KCNIP4: variants seen among roughly 807,000 people sequenced by gnomAD.
KCNIP4 encodes potassium voltage-gated channel interacting protein 4.
Under a neutral mutation model 34.0 loss-of-function variants are expected in KCNIP4, and 12 were observed. The observed-to-expected ratio is 0.35, with a 90% confidence interval of 0.23 to 0.57. The LOEUF (loss-of-function observed/expected upper bound fraction) is 0.57, where lower values mean the gene tolerates loss of function less well. Among genes scored for constraint, KCNIP4 ranks in the 20% least tolerant of loss-of-function variants. The probability of loss-of-function intolerance (pLI) is 0.83; values close to 1 mark genes in which losing one functional copy is unlikely to be tolerated. For synonymous variants in KCNIP4, 124 were observed against 102.2 expected, an observed-to-expected ratio of 1.21 and a Z score of -1.29; for missense variants, 238 against 311.7, an observed-to-expected ratio of 0.76 and a Z score of 1.78.
intron 4 of KCNIP4, 73 bp from the exon 5 acceptor site, chr4:20,749,805 A>C: frequency 1.0e-6 from 1 of 960,692 alleles, no homozygotes; most frequent in South Asian, 1.6e-5. Flanking sequence ...TAGCAGTCCA[A>C]GCTTCCTTTG....
intron 1 of KCNIP4, among the ~76,000 whole-genome samples, chr4:21,128,752 A>C (rs1750822289): frequency 6.6e-6 from 1 of 152,230 alleles, no homozygotes; most frequent in African/African-American, 2.4e-5. Context: ...ATTATCAGTA[A>C]GGAGCACTAT....
chr4:21,519,729 TGTATATGTATG>T (rs1735304089), intron 1 of KCNIP4, among the ~76,000 whole-genome samples: 2 of 124,358 alleles, frequency 1.6e-5, no homozygotes, highest in African/African-American at 3.4e-5. Context: ...TACACACGTG[TGTATATGTATG>T]ATACACACGT....
chr4:21,946,413 C>G (rs989455304), intron 1 of KCNIP4, among the ~76,000 whole-genome samples: 6 of 152,174 alleles, frequency 3.9e-5, no homozygotes, highest in African/African-American at 1.4e-4. Flanking sequence ...ATATAAATAG[C>G]CTACTTATTG....
chr4:20,786,755 G>T (rs1217967884), intron 3 of KCNIP4, among the ~76,000 whole-genome samples: 1 of 151,890 alleles, frequency 6.6e-6, no homozygotes, highest in Admixed American at 6.6e-5. Context: ...TTAGACTCTG[G>T]GAATATAGTG....
intron 1 of KCNIP4, among the ~76,000 whole-genome samples, chr4:21,430,890 T>G (rs2109664718): frequency 6.6e-6 from 1 of 151,426 alleles, no homozygotes; most frequent in Non-Finnish European, 1.5e-5. Flanking sequence ...AAGATAAAAA[T>G]AGTTACGCAA....
intron 1 of KCNIP4, among the ~76,000 whole-genome samples, chr4:21,425,312 C>A (rs548276439): frequency 6.6e-6 from 1 of 152,254 alleles, no homozygotes; most frequent in Admixed American, 6.5e-5. Flanking sequence ...CTCAATTAAG[C>A]ACTTTTCATT....
intron 1 of KCNIP4, among the ~76,000 whole-genome samples, chr4:21,512,525 T>G (rs1169925170): frequency 6.6e-6 from 1 of 152,142 alleles, no homozygotes; most frequent in Non-Finnish European, 1.5e-5. Flanking sequence ...TATGTTTTAT[T>G]TTGTACTTCT....
At chr4:21,369,129 T>C (rs1720083437) in intron 1 of KCNIP4, among the ~76,000 whole-genome samples, 1 of 147,132 alleles carries the variant, frequency 6.8e-6, no homozygotes, top group African/African-American at 2.7e-5. Flanking sequence ...GTAACCTGAT[T>C]GAGTCTCCTA....
At chr4:21,929,975 T>C (rs1230541975) in intron 1 of KCNIP4, among the ~76,000 whole-genome samples, 1 of 152,122 alleles carries the variant, frequency 6.6e-6, no homozygotes, top group Non-Finnish European at 1.5e-5. Flanking sequence ...AGTCTGTTTC[T>C]CTAGTAGTAC....
chr4:21,922,634 C>T (rs1299983927), intron 1 of KCNIP4, among the ~76,000 whole-genome samples: 3 of 151,966 alleles, frequency 2.0e-5, no homozygotes, highest in Non-Finnish European at 4.4e-5. Context: ...TCTAGTGGTA[C>T]AGAATGGCAT....
intron 1 of KCNIP4, among the ~76,000 whole-genome samples, chr4:21,308,506 C>T (rs969196601): frequency 5.9e-5 from 9 of 152,134 alleles, no homozygotes; most frequent in African/African-American, 2.2e-4. Flanking sequence ...GCATCTGAAG[C>T]CAGTGGGGCT....
intron 1 of KCNIP4, among the ~76,000 whole-genome samples, chr4:21,556,920 C>CAAAAAAAAAACAAAAACAA (rs1281543089): frequency 2.8e-5 from 1 of 35,664 alleles, no homozygotes; most frequent in African/African-American, 1.0e-4. Context: ...GACTCCATCT[C>CAAAAAAAAAACAAAAACAA]AGAAAAAAAA....
chr4:21,041,229 TTC>T (rs1491427855), intron 1 of KCNIP4, among the ~76,000 whole-genome samples: 1 of 115,402 alleles, frequency 8.7e-6, no homozygotes. Flanking sequence ...TGATATATAT[TTC>T]ACACACACAC....
At chr4:21,113,265 T>G (rs746951977) in intron 1 of KCNIP4, among the ~76,000 whole-genome samples, 12 of 151,982 alleles carry the variant, frequency 7.9e-5, no homozygotes, top group Non-Finnish European at 1.3e-4. Context: ...AAAGAAAATC[T>G]CATCAAATTG....
chr4:21,915,396 C>G (rs1397500662), intron 1 of KCNIP4, among the ~76,000 whole-genome samples: 2 of 152,158 alleles, frequency 1.3e-5, no homozygotes, highest in African/African-American at 4.8e-5. Context: ...CCTTTGTCTA[C>G]AAAACTCATC....
At chr4:21,752,972 GT>G (rs1320720300) in intron 1 of KCNIP4, among the ~76,000 whole-genome samples, 1 of 152,192 alleles carries the variant, frequency 6.6e-6, no homozygotes, top group African/African-American at 2.4e-5. Flanking sequence ...ACCATAAAAT[GT>G]GCTGCTGCAA....
intron 1 of KCNIP4, among the ~76,000 whole-genome samples, chr4:21,912,101 T>C (rs1186797414): frequency 1.3e-5 from 2 of 151,996 alleles, no homozygotes; most frequent in African/African-American, 4.8e-5. Context: ...AGAGCATCCC[T>C]GGCTTTTCAA....
intron 1 of KCNIP4, among the ~76,000 whole-genome samples, chr4:21,540,524 T>A (rs1737592252): frequency 6.6e-6 from 1 of 152,172 alleles, no homozygotes; most frequent in Non-Finnish European, 1.5e-5. Context: ...ACAATGGCTC[T>A]GGATTCACCA....
intron 1 of KCNIP4, among the ~76,000 whole-genome samples, chr4:21,637,018 A>G (rs536430536): frequency 1.4e-4 from 21 of 152,212 alleles, no homozygotes; most frequent in Admixed American, 4.6e-4. Flanking sequence ...AGCAGCGAAG[A>G]GGGGAGTAAA....
Sources: allele counts gnomAD v4.1 joint callset (sites outside exome capture counted in the v4.1 genomes callset), GRCh38; gene constraint gnomAD v4.1.1; transcripts MANE v1.5; gene names NCBI Gene and HGNC (gene_info 2026-07-23, HGNC 2026-07-21).